MYCBP2: variants seen among roughly 807,000 people sequenced by gnomAD.
The protein encoded by MYCBP2 is MYC binding protein 2.
In MYCBP2, 120 loss-of-function variants were observed where a neutral mutation model predicts 525.3. The observed-to-expected ratio is 0.23, with a 90% CI of 0.20 to 0.27. The LOEUF (loss-of-function observed/expected upper bound fraction) is 0.27. MYCBP2 is among the 10% of genes least tolerant of loss of function. The probability of loss-of-function intolerance (pLI) is 1.00; values close to 1 mark genes in which losing one functional copy is unlikely to be tolerated. For synonymous variants in MYCBP2, 1,894 were observed against 1,955.8 expected (o/e 0.97, Z 0.83); for missense variants, 4,149 against 5,657.1 (o/e 0.73, Z 8.55).
At position 77,060,777 on chromosome 13, in the gene MYCBP2, T is replaced by C. The variant is rs145438156; in HGVS notation, c.13036+392A>G. The stretch of plus-strand genomic sequence containing the variant: ...TAAAATCATACAACCTTATAATAAA[T>C]AGAGATCTTAGTGATCATCTAGTGC... On this transcript the variant is annotated intron_variant, in intron 76 of 82. Transcript: ENST00000544440. Among the ~76,000 whole-genome samples the C allele has an allele frequency of 3.4e-3, 512 of 152,284 alleles. 4 individuals carry two copies. Among genetic ancestry groups the C allele is most frequent in the African/African-American group, 0.012 (479 of 41,564 alleles).
intron 55 of MYCBP2, among the ~76,000 whole-genome samples, chr13:77,104,246 CT>C (rs2047519189): frequency 6.6e-6 from 1 of 151,974 alleles, no homozygotes; most frequent in Non-Finnish European, 1.5e-5. Flanking sequence ...AAAAAAAGTG[CT>C]GTTTTCGGCT....
intron 62 of MYCBP2, 101 bp downstream of exon 62, chr13:77,087,383 G>A: frequency 9.6e-7 from 1 of 1,041,898 alleles, no homozygotes. Context: ...TTGCTTTCAA[G>A]TTAGATCTGC....
intron 1 of MYCBP2, among the ~76,000 whole-genome samples, chr13:77,315,078 T>A (rs2080769803): frequency 6.6e-6 from 1 of 152,160 alleles, no homozygotes; most frequent in Admixed American, 6.5e-5. Context: ...AAAATACAAG[T>A]TACCAAAATT....
chr13:77,272,621 A>C (rs894837899), intron 5 of MYCBP2, among the ~76,000 whole-genome samples: 7 of 152,202 alleles, frequency 4.6e-5, no homozygotes, highest in African/African-American at 1.7e-4. Context: ...CAACTTCAAA[A>C]TAATTAAGGA....
At chr13:77,103,061 C>T in intron 55 of MYCBP2, 2 of 384,400 alleles carry the variant, frequency 5.2e-6, no homozygotes, top group Non-Finnish European at 9.2e-6. Flanking sequence ...TCATAAATTA[C>T]TCAAACATAT....
intron 52 of MYCBP2, among the ~76,000 whole-genome samples, chr13:77,133,973 C>T (rs1468403476): frequency 6.6e-6 from 1 of 152,144 alleles, no homozygotes; most frequent in African/African-American, 2.4e-5. Flanking sequence ...TGCATCTCCA[C>T]CCAATGCCTA....
In MYCBP2 at chr13:77,098,026, C is replaced by T; in HGVS notation, c.9128G>A (p.Gly3043Asp). The T allele has an allele frequency of 1.2e-6, 2 of 1,613,652 alleles. No individual in the cohort carries two copies. Among genetic ancestry groups the T allele is most frequent in the Non-Finnish European group, 1.7e-6 (2 of 1,179,790 alleles). ...ACAAGCCATTGCATCATGTACTATGCCTTCATGCCAGAGGAAGGAAGCAAA... is the reference window on the plus strand; with the variant it reads ...ACAAGCCATTGCATCATGTACTATGTCTTCATGCCAGAGGAAGGAAGCAAA... The part of the protein sequence containing the change: ...AVFASFLWHE[G>D]IVHDAMACSS... The change falls in exon 56 of 83, where the codon GGC (glycine) becomes GAC (aspartate). Residue 3043 changes from glycine to aspartate, a missense_variant. Coordinates refer to ENST00000544440, the MANE Select transcript of MYCBP2 (RefSeq NM_015057.5).
chr13:77,097,099 A>G (rs1477519025), intron 56 of MYCBP2, among the ~76,000 whole-genome samples: 2 of 152,174 alleles, frequency 1.3e-5, no homozygotes, highest in Admixed American at 1.3e-4. Context: ...TGTGAGACAG[A>G]CACATTAATG....
intron 28 of MYCBP2, among the ~76,000 whole-genome samples, 167 bp downstream of exon 28, chr13:77,191,512 T>C (rs902843923): frequency 1.3e-5 from 2 of 152,248 alleles, no homozygotes; most frequent in Non-Finnish European, 2.9e-5. Context: ...TTGTTCTGTC[T>C]AGACCTCAAT....
At chr13:77,156,266 T>A (rs2057205083) in intron 45 of MYCBP2, 64 bp from the exon 46 acceptor site, 1 of 1,454,078 alleles carries the variant, frequency 6.9e-7, no homozygotes, top group African/African-American at 1.4e-5. Context: ...CAACAATTAA[T>A]ATAAAATTAA....
chr13:77,070,718 A>G lies in MYCBP2; in HGVS notation c.11824-7T>C, dbSNP rs747979747. The G allele has an allele frequency of 1.9e-5, 30 of 1,563,236 alleles. No individual in the cohort carries two copies. The highest frequency in any genetic ancestry group is 2.5e-5 in the Non-Finnish European group (29 of 1,156,498). ...GGTCAGCATCTGATGTTGCCTTTACATAGAAAAAGAAAAAAAAAAAAAAGA... is the reference window on the plus strand; with the variant it reads ...GGTCAGCATCTGATGTTGCCTTTACGTAGAAAAAGAAAAAAAAAAAAAAGA... On this transcript the variant is annotated splice_polypyrimidine_tract_variant and splice_region_variant and intron_variant, in intron 68 of 82. Coordinates refer to ENST00000544440, the MANE Select transcript of MYCBP2 (RefSeq NM_015057.5).
chr13:77,266,764 A>AC (rs1325758747), intron 8 of MYCBP2, among the ~76,000 whole-genome samples: 2 of 149,572 alleles, frequency 1.3e-5, no homozygotes, highest in African/African-American at 5.0e-5. Flanking sequence ...AAAAAAAAAA[A>AC]AAAACCCTGT....
chr13:77,078,910 T>G lies in MYCBP2; in HGVS notation c.11419-21A>C, dbSNP rs780740738. ...TTATTCTGAAATAGACAATTCACAATAGTTAATATGCTATATTCCTGCTTC... is the reference window on the plus strand; with the variant it reads ...TTATTCTGAAATAGACAATTCACAAGAGTTAATATGCTATATTCCTGCTTC... On this transcript the variant is annotated intron_variant, in intron 65 of 82. Transcript: ENST00000544440. 1.1e-5 allele frequency: 17 copies of G among 1,583,130 alleles called. No individual in the cohort carries two copies. The Middle Eastern group carries it at 7.1e-4, about 66-fold the overall frequency.
intron 53 of MYCBP2, 48 bp downstream of exon 53, chr13:77,126,270 C>T (rs577801185): frequency 2.6e-6 from 4 of 1,511,690 alleles, no homozygotes; most frequent in Admixed American, 1.8e-5. Context: ...GGTTGTATTA[C>T]ATTAAAAATG....
intron 1 of MYCBP2, among the ~76,000 whole-genome samples, chr13:77,297,874 G>A (rs867612931): frequency 6.6e-6 from 1 of 152,024 alleles, no homozygotes; most frequent in African/African-American, 2.4e-5. Context: ...ATGCTAATAA[G>A]CTAGGTTACC....
intron 30 of MYCBP2, 144 bp downstream of exon 30, chr13:77,188,807 C>A: frequency 2.1e-6 from 1 of 475,256 alleles, no homozygotes; most frequent in Non-Finnish European, 3.6e-6. Flanking sequence ...TATCTGTGGT[C>A]TAGAATATAA....
chr13:77,295,072 G>C (rs1722496967), intron 2 of MYCBP2, among the ~76,000 whole-genome samples: 1 of 152,156 alleles, frequency 6.6e-6, no homozygotes, highest in Admixed American at 6.5e-5. Flanking sequence ...TCAGTCACAG[G>C]TAATAAGTCC....
chr13:77,186,016 G>A lies in MYCBP2; in HGVS notation c.4299C>T (p.Thr1433=). 1 of 1,611,930 alleles carries A rather than the reference G, an allele frequency of 6.2e-7. No individual in the cohort carries two copies. The highest frequency in any genetic ancestry group is 1.1e-5 in the South Asian group (1 of 90,680). The change falls in exon 31 of 83, where the codon ACC becomes ACT. Residue 1433 remains threonine, a synonymous_variant. Coordinates refer to ENST00000544440, the MANE Select transcript of MYCBP2 (RefSeq NM_015057.5). ...TAAGTTCTTCAACTCCTAAGACTAA[G>A]GTGGTCCAGCTCCAGTGAAGAATAC... is the stretch of plus-strand genomic sequence containing the variant. ...LLSILHWSWT[T]LVLGVEELRG...
At chr13:77,057,188 C>G in intron 78 of MYCBP2, 95 bp from the exon 79 acceptor site, 1 of 817,368 alleles carries the variant, frequency 1.2e-6, no homozygotes, top group South Asian at 1.7e-5. Flanking sequence ...CTACTTAAAG[C>G]AGGTAAGAGA....
Sources: allele counts gnomAD v4.1 joint callset (sites outside exome capture counted in the v4.1 genomes callset), GRCh38; gene constraint gnomAD v4.1.1; transcripts MANE v1.5; gene names NCBI Gene and HGNC (gene_info 2026-07-23, HGNC 2026-07-21).